The following EGFR variants were observed in gnomAD, a reference collection of about 807,000 sequenced individuals.
The protein encoded by EGFR is epidermal growth factor receptor.
EGFR carries 58 observed loss-of-function variants against 143.0 expected under a neutral mutation model. The observed-to-expected ratio is 0.41, with a 90% confidence interval of 0.33 to 0.50. EGFR has a LOEUF of 0.50. Among genes scored for constraint, EGFR ranks in the 20% least tolerant of loss-of-function variants. The probability of loss-of-function intolerance (pLI) is 0.39; values close to 1 mark genes in which losing one functional copy is unlikely to be tolerated. For missense variants in EGFR, 1,307 were observed against 1,579.0 expected, an observed-to-expected ratio of 0.83 and a Z score of 2.92; for synonymous variants, 613 against 594.4, an observed-to-expected ratio of 1.03 and a Z score of -0.45.
chr7:55,168,350 G>A (rs1786174806), intron 15 of EGFR, among the ~76,000 whole-genome samples: 1 of 152,202 alleles, frequency 6.6e-6, no homozygotes. Context: ...GTGTCAGTGA[G>A]CATATGTTGC....
At chr7:55,167,740 C>T (rs1489420869) in intron 15 of EGFR, among the ~76,000 whole-genome samples, 3 of 151,946 alleles carry the variant, frequency 2.0e-5, no homozygotes, top group Admixed American at 6.6e-5. Context: ...GTGGCAGTGA[C>T]GGTGATTGAG....
intron 1 of EGFR, among the ~76,000 whole-genome samples, chr7:55,141,233 C>G (rs1794441375): frequency 6.6e-6 from 1 of 152,214 alleles, no homozygotes; most frequent in Non-Finnish European, 1.5e-5. Flanking sequence ...TACACACTCT[C>G]TGCCTCAAAA....
At position 55,200,325 on chromosome 7, in the gene EGFR, T is replaced by C. The variant is rs1787790185; in HGVS notation, c.2858T>C (p.Ile953Thr). The C allele has an allele frequency of 6.2e-7, 1 of 1,614,168 alleles. No homozygotes were observed. The highest frequency in any genetic ancestry group is 1.1e-5 in the South Asian group (1 of 91,078). ...CTCATTCCTTCCCCAGGCTGGATGA[T>C]AGACGCAGATAGTCGCCCAAAGTTC... The part of the protein sequence containing the change: ...VYMIMVKCWM[I>T]DADSRPKFRE... Residue 953 changes from isoleucine (I) to threonine (T), a missense_variant, in exon 24 of 28, where the codon ATA becomes ACA. Around this residue, in one of 7 missense-constraint regions of EGFR, gnomAD observed 348 missense variants for 451.5 expected, o/e 0.77. Coordinates refer to ENST00000275493, the MANE Select transcript of EGFR (RefSeq NM_005228.5).
chr7:55,104,625 G>T (rs1562717515), intron 1 of EGFR, among the ~76,000 whole-genome samples: 1 of 152,340 alleles, frequency 6.6e-6, no homozygotes, highest in South Asian at 2.1e-4. Flanking sequence ...TATGTTCTTA[G>T]TGGAAATATG....
At chr7:55,156,414 A>T in intron 8 of EGFR, 119 bp from the exon 9 acceptor site, 1 of 1,390,922 alleles carries the variant, frequency 7.2e-7, no homozygotes, top group Non-Finnish European at 1.0e-6. Context: ...ATGAAGGATG[A>T]TGTGGCAGTG....
chr7:55,053,584 A>G (rs1367411342), intron 1 of EGFR, among the ~76,000 whole-genome samples: 2 of 152,194 alleles, frequency 1.3e-5, no homozygotes, highest in African/African-American at 2.4e-5. Context: ...TGCCTGTTTC[A>G]TGAGAGCTGA....
rs558512486 is a variant in EGFR at position 55,044,598 on chromosome 7, C to T, written c.88+25233C>T. ...GTCCTGGAACAGAGCAGCACACCTG[C>T]GGGGTGTCCCCTTGGCATTTGGGCA... On this transcript the variant is annotated intron_variant, in intron 1 of 27. Coordinates refer to ENST00000275493, the MANE Select transcript of EGFR (RefSeq NM_005228.5). Among the ~76,000 whole-genome samples the T allele has an allele frequency of 2.6e-5, 4 of 152,272 alleles. No individual in the cohort carries two copies. In the East Asian group the frequency reaches 5.8e-4, roughly 22 times the overall value.
intron 1 of EGFR, among the ~76,000 whole-genome samples, chr7:55,100,784 C>T (rs531333893): frequency 6.6e-6 from 1 of 152,214 alleles, no homozygotes; most frequent in Admixed American, 6.5e-5. Flanking sequence ...CCAAGCCTCA[C>T]GTCACACATC....
chr7:55,115,753 A>T (rs1792800588), intron 1 of EGFR, among the ~76,000 whole-genome samples: 1 of 152,176 alleles, frequency 6.6e-6, no homozygotes, highest in Non-Finnish European at 1.5e-5. Flanking sequence ...AAACTCAGCC[A>T]ATGCCGTCAT....
chr7:55,096,300 G>A (rs910509051), intron 1 of EGFR, among the ~76,000 whole-genome samples: 1 of 152,118 alleles, frequency 6.6e-6, no homozygotes, highest in Non-Finnish European at 1.5e-5. Flanking sequence ...TAATTCTCCG[G>A]TTGTGTTCAC....
chr7:55,161,336 T>A (rs1198486117), intron 12 of EGFR, among the ~76,000 whole-genome samples, 163 bp from the exon 13 acceptor site: 1 of 152,254 alleles, frequency 6.6e-6, no homozygotes, highest in African/African-American at 2.4e-5. Context: ...ACGGTCGGCC[T>A]CTGGGAAGCC....
intron 1 of EGFR, among the ~76,000 whole-genome samples, chr7:55,029,781 T>C (rs1389372521): frequency 6.6e-6 from 1 of 152,136 alleles, no homozygotes; most frequent in African/African-American, 2.4e-5. Context: ...CCCCTCTCAG[T>C]TTCACCTTCC....
intron 21 of EGFR, 124 bp downstream of exon 21, chr7:55,191,998 G>T (rs575749497): frequency 2.8e-6 from 4 of 1,431,948 alleles, no homozygotes; most frequent in Admixed American, 1.9e-5. Context: ...GGGTGAGCTC[G>T]CAGCAGCTGC....
intron 1 of EGFR, among the ~76,000 whole-genome samples, chr7:55,101,398 G>A (rs749274470): frequency 5.3e-5 from 8 of 152,188 alleles, no homozygotes; most frequent in South Asian, 2.1e-4. Flanking sequence ...CTGAATTACC[G>A]TGAGGATGTG....
At position 55,201,766 on chromosome 7, in the gene EGFR, G is replaced by A. The variant is rs1787859485; in HGVS notation, c.3146G>A (p.Cys1049Tyr). The A allele has an allele frequency of 1.2e-6, 2 of 1,614,212 alleles. No homozygotes were observed. The highest frequency in any genetic ancestry group is 1.1e-5 in the South Asian group (1 of 91,078). ...SATSNNSTVA[C>Y]IDRNGLQSCP... Reference sequence around the variant, plus strand: ...ACCAGCAACAATTCCACCGTGGCTTGCATTGATAGAAATGGGGTATGTATG... The same window carrying A: ...ACCAGCAACAATTCCACCGTGGCTTACATTGATAGAAATGGGGTATGTATG... Residue 1049 changes from cysteine to tyrosine, a missense_variant, in exon 26 of 28, where the codon TGC (cysteine) becomes TAC (tyrosine). By Grantham distance (194) the Cys-to-Tyr change is radical. Coordinates refer to ENST00000275493, the MANE Select transcript of EGFR (RefSeq NM_005228.5).
At chr7:55,204,229 C>T (rs987017611) in intron 27 of EGFR, among the ~76,000 whole-genome samples, 48 of 145,918 alleles carry the variant, frequency 3.3e-4, no homozygotes, top group Admixed American at 6.8e-4. Context: ...TATACACAAA[C>T]GTACACACAC....
chr7:55,098,198 G>A (rs538641106), intron 1 of EGFR, among the ~76,000 whole-genome samples: 4 of 152,180 alleles, frequency 2.6e-5, no homozygotes, highest in South Asian at 4.1e-4. Context: ...GGTGTTGGTA[G>A]CTTCGTTAGA....
rs17337360 is a variant in EGFR, at chr7:55,192,747, C to T, written c.2626-19C>T. On this transcript the variant is annotated intron_variant, in intron 21 of 27. Coordinates refer to ENST00000275493, the MANE Select transcript of EGFR (RefSeq NM_005228.5). ...GAAACTAATAGTTGTCTCACTGCCT[C>T]ATCTCTCACCATCCCAAGGTGCCTA... The T allele has an allele frequency of 5.8e-3, 9,264 of 1,611,000 alleles. 468 individuals carry two copies. In the African/African-American group the frequency reaches 0.11, roughly 19 times the overall value.
chr7:55,179,901 C>T (rs1413250618), intron 19 of EGFR: 1 of 152,214 alleles, frequency 6.6e-6, no homozygotes, highest in Non-Finnish European at 1.5e-5. Context: ...GTAGGTTACA[C>T]ACAAATGCTG....
Sources: allele counts gnomAD v4.1 joint callset (sites outside exome capture counted in the v4.1 genomes callset), GRCh38; gene constraint gnomAD v4.1.1; regional missense constraint gnomAD v4.1.1; transcripts MANE v1.5; gene names NCBI Gene and HGNC (gene_info 2026-07-23, HGNC 2026-07-21).